TSPAN5: variants seen among roughly 807,000 people sequenced by gnomAD.
The protein encoded by TSPAN5 is tetraspanin-5.
A neutral mutation model predicts 37.1 loss-of-function variants in TSPAN5; 10 were observed. The ratio of observed to expected loss-of-function variants is 0.27; its 90% CI spans 0.17 to 0.46. The LOEUF (loss-of-function observed/expected upper bound fraction) is 0.46. Ranked by LOEUF, TSPAN5 falls within the 20% of genes least tolerant of loss-of-function variation. TSPAN5 has a pLI of 1.00. For synonymous variants in TSPAN5, 110 were observed against 118.9 expected (o/e 0.93, Z 0.48); for missense variants, 195 against 326.6 (o/e 0.60, Z 3.11).
chr4:98,517,429 G>A (rs983243674), intron 1 of TSPAN5, among the ~76,000 whole-genome samples: 2 of 152,010 alleles, frequency 1.3e-5, no homozygotes, highest in Non-Finnish European at 2.9e-5. Context: ...CAGGGGAGGA[G>A]GTCTATTTGG....
At chr4:98,592,526 G>A (rs924913921) in intron 1 of TSPAN5, among the ~76,000 whole-genome samples, 8 of 146,136 alleles carry the variant, frequency 5.5e-5, no homozygotes, top group East Asian at 2.1e-4. Context: ...ATGCTGGTGC[G>A]CTGCACCCAC....
At chr4:98,566,126 T>A (rs1016732410) in intron 1 of TSPAN5, among the ~76,000 whole-genome samples, 1 of 152,134 alleles carries the variant, frequency 6.6e-6, no homozygotes, top group Non-Finnish European at 1.5e-5. Flanking sequence ...GGTGAAAACG[T>A]TATTTCCCTT....
rs554024299 is a variant in TSPAN5 at position 98,486,108 on chromosome 4, G to C, written c.279+630C>G. Among the ~76,000 whole-genome samples, 29 of 152,254 alleles carry C rather than the reference G, an allele frequency of 1.9e-4. 1 individual carries two copies. The highest frequency in any genetic ancestry group is 7.0e-4 in the African/African-American group (29 of 41,558). The stretch of plus-strand genomic sequence containing the variant: ...CTTTGAAACGAGTCTCCAACGCAAA[G>C]GCTTTCACTTTTCATTCTCTATTTT... On this transcript the variant is annotated intron_variant, in intron 3 of 7. Coordinates refer to ENST00000305798, the MANE Select transcript of TSPAN5 (RefSeq NM_005723.4).
chr4:98,629,959 C>T (rs991408509), intron 1 of TSPAN5, among the ~76,000 whole-genome samples: 1 of 152,188 alleles, frequency 6.6e-6, no homozygotes, highest in Admixed American at 6.5e-5. Flanking sequence ...ACTGTCTTGT[C>T]ATACTTACAT....
At chr4:98,513,687 A>G (rs1377497555) in intron 1 of TSPAN5, among the ~76,000 whole-genome samples, 1 of 152,198 alleles carries the variant, frequency 6.6e-6, no homozygotes, top group Admixed American at 6.5e-5. Context: ...TGCCAATTTC[A>G]TAACTAGCTT....
At chr4:98,502,901 T>C (rs996005056) in intron 2 of TSPAN5, among the ~76,000 whole-genome samples, 1 of 151,328 alleles carries the variant, frequency 6.6e-6, no homozygotes, top group Non-Finnish European at 1.5e-5. Flanking sequence ...AGTAGGCCTG[T>C]TAAAATAGAG....
intron 1 of TSPAN5, among the ~76,000 whole-genome samples, chr4:98,630,403 T>C (rs939676000): frequency 1.3e-5 from 2 of 152,232 alleles, no homozygotes; most frequent in South Asian, 4.1e-4. Flanking sequence ...TTTAGACTTA[T>C]ACACCACTTC....
chr4:98,563,083 C>T (rs779897680), intron 1 of TSPAN5, among the ~76,000 whole-genome samples: 3 of 152,136 alleles, frequency 2.0e-5, no homozygotes, highest in Non-Finnish European at 4.4e-5. Context: ...CTCCAGTTAC[C>T]GTGGGTCACT....
chr4:98,543,860 A>G (rs1298485851), intron 1 of TSPAN5, among the ~76,000 whole-genome samples: 2 of 152,088 alleles, frequency 1.3e-5, no homozygotes. Context: ...ACAGTTATAG[A>G]ATATTAGATC....
Position 98,533,526 on chromosome 4 carries a change from G to A in TSPAN5, c.82-25798C>T, listed in dbSNP as rs187094359. Among the ~76,000 whole-genome samples the A allele has an allele frequency of 4.0e-3, 380 of 95,430 alleles. 2 individuals are homozygous for A. Among genetic ancestry groups the A allele is most frequent in the African/African-American group, 0.016 (362 of 22,192 alleles). 62.6% of individuals were successfully genotyped at this position (95,430 alleles called of 152,430 possible). A position where few individuals can be genotyped will look rare whatever the true frequency, so the allele number is the denominator to read the frequency against. On this transcript the variant is annotated intron_variant, in intron 1 of 7. Transcript: ENST00000305798. ...TAGTCTGTACTTCTGCGGGATTGGT[G>A]GTGATATCCCCTATATCTTTTTTTT...
intron 1 of TSPAN5, among the ~76,000 whole-genome samples, chr4:98,570,249 G>A (rs571038056): frequency 2.0e-4 from 30 of 152,238 alleles, no homozygotes; most frequent in African/African-American, 7.0e-4. Flanking sequence ...CAAGAGGACT[G>A]AAAAATACTC....
At chr4:98,570,698 G>C (rs1440015206) in intron 1 of TSPAN5, among the ~76,000 whole-genome samples, 1 of 152,056 alleles carries the variant, frequency 6.6e-6, no homozygotes, top group Non-Finnish European at 1.5e-5. Flanking sequence ...GAGAGAGATG[G>C]ACTCAAGAAA....
intron 1 of TSPAN5, among the ~76,000 whole-genome samples, chr4:98,564,476 G>A (rs1324402478): frequency 6.6e-6 from 1 of 152,176 alleles, no homozygotes; most frequent in Non-Finnish European, 1.5e-5. Context: ...ACAGAATGAA[G>A]TAAAATCAGA....
intron 1 of TSPAN5, among the ~76,000 whole-genome samples, chr4:98,564,854 A>C (rs1754966280): frequency 6.6e-6 from 1 of 152,174 alleles, no homozygotes; most frequent in Admixed American, 6.5e-5. Context: ...AATAAAAAAG[A>C]ACAAAAGCTT....
At chr4:98,530,916 A>C (rs1417142215) in intron 1 of TSPAN5, among the ~76,000 whole-genome samples, 1 of 151,894 alleles carries the variant, frequency 6.6e-6, no homozygotes, top group Non-Finnish European at 1.5e-5. Flanking sequence ...TAAATGTTAA[A>C]ATTTTTTTAA....
At chr4:98,643,534 C>G (rs1362206223) in intron 1 of TSPAN5, among the ~76,000 whole-genome samples, 1 of 152,022 alleles carries the variant, frequency 6.6e-6, no homozygotes, top group Admixed American at 6.6e-5. Flanking sequence ...AAATATATTT[C>G]AATTTGTTTT....
intron 1 of TSPAN5, among the ~76,000 whole-genome samples, chr4:98,509,257 G>C (rs1753550845): frequency 6.6e-6 from 1 of 152,320 alleles, no homozygotes; most frequent in East Asian, 1.9e-4. Context: ...AAATGAGTGA[G>C]AGTGGTTATT....
At chr4:98,568,498 C>T (rs4699655) in intron 1 of TSPAN5, among the ~76,000 whole-genome samples, 10,010 of 152,052 alleles carry the variant, frequency 0.066, 709 homozygotes, top group African/African-American at 0.15. Context: ...CCCGAGATCA[C>T]TCCACTGCAC....
chr4:98,565,563 A>C (rs1180729519), intron 1 of TSPAN5, among the ~76,000 whole-genome samples: 1 of 152,234 alleles, frequency 6.6e-6, no homozygotes. Context: ...AAGAATAATG[A>C]TTAAAGATAT....
Sources: allele counts gnomAD v4.1 joint callset (sites outside exome capture counted in the v4.1 genomes callset), GRCh38; gene constraint gnomAD v4.1.1; transcripts MANE v1.5; gene names NCBI Gene and HGNC (gene_info 2026-07-23, HGNC 2026-07-21).